Variants in MGAT4C observed in about 807,000 individuals in gnomAD.
MGAT4C encodes MGAT4 family member C.
A neutral mutation model predicts 40.1 loss-of-function variants in MGAT4C; 19 were observed. The ratio of observed to expected loss-of-function variants is 0.47; its 90% CI spans 0.33 to 0.70. MGAT4C has a LOEUF of 0.70. Among genes scored for constraint, MGAT4C ranks in the 30% least tolerant of loss-of-function variants. The pLI is 0.02. For synonymous variants in MGAT4C, 181 were observed against 187.1 expected, an observed-to-expected ratio of 0.97 and a Z score of 0.27; for missense variants, 491 against 563.2, an observed-to-expected ratio of 0.87 and a Z score of 1.30.
Position 86,348,049 on chromosome 12 carries a change from T to A in MGAT4C, c.-119-13922A>T, listed in dbSNP as rs113609601. Among the ~76,000 whole-genome samples, 258 of 152,302 alleles carry A rather than the reference T, an allele frequency of 1.7e-3. 4 individuals carry two copies. Among genetic ancestry groups the A allele is most frequent in the African/African-American group, 5.9e-3 (245 of 41,578 alleles). ...ATTGTGTAACTGTTGTTTAGAATGA[T>A]GTGTGTAAATTATACTTCTTCAAAT... On this transcript the variant is annotated intron_variant, in intron 3 of 7. Transcript: ENST00000548651.
intron 2 of MGAT4C, among the ~76,000 whole-genome samples, chr12:86,439,949 C>A (rs777068603): frequency 6.6e-6 from 1 of 151,006 alleles, no homozygotes; most frequent in South Asian, 2.1e-4. Flanking sequence ...CCTGAACAGA[C>A]CAATAACAAG....
At chr12:86,675,983 AAC>A (rs1491574380) in intron 2 of MGAT4C, among the ~76,000 whole-genome samples, 45 of 151,550 alleles carry the variant, frequency 3.0e-4, no homozygotes, top group Middle Eastern at 3.4e-3. Flanking sequence ...AAAAAAAAAA[AAC>A]ATTCATTTCA....
chr12:86,227,259 A>G (rs1370604166), intron 1 of MGAT4C, among the ~76,000 whole-genome samples: 3 of 151,854 alleles, frequency 2.0e-5, no homozygotes, highest in Admixed American at 1.3e-4. Flanking sequence ...AAAACTTCCA[A>G]ATAATGCAGT....
upstream of MGAT4C, among the ~76,000 whole-genome samples, chr12:86,260,289 C>T (rs1430519945): frequency 6.6e-6 from 1 of 152,072 alleles, no homozygotes; most frequent in South Asian, 2.1e-4. Context: ...CAACCCCTTG[C>T]TCCCACTGAA....
At chr12:86,295,813 A>G (rs1281128239) in intron 4 of MGAT4C, among the ~76,000 whole-genome samples, 1 of 152,152 alleles carries the variant, frequency 6.6e-6, no homozygotes, top group African/African-American at 2.4e-5. Flanking sequence ...AGCTAGATAC[A>G]GAGTGTGGAT....
chr12:86,596,491 T>C (rs756254711), intron 2 of MGAT4C, among the ~76,000 whole-genome samples: 2 of 152,212 alleles, frequency 1.3e-5, no homozygotes, highest in South Asian at 2.1e-4. Flanking sequence ...GGCTCACAGA[T>C]GCCTAAGAGC....
intron 2 of MGAT4C, among the ~76,000 whole-genome samples, chr12:86,437,394 A>G (rs1352692919): frequency 6.6e-6 from 1 of 151,836 alleles, no homozygotes; most frequent in South Asian, 2.1e-4. Context: ...TGTAGGAGTA[A>G]ATCAATTTTT....
intron 2 of MGAT4C, among the ~76,000 whole-genome samples, chr12:86,449,421 G>A (rs1288006481): frequency 2.6e-5 from 4 of 152,062 alleles, no homozygotes; most frequent in Admixed American, 6.6e-5. Flanking sequence ...TTTTTAGAGA[G>A]GTAAAACACA....
intron 1 of MGAT4C, among the ~76,000 whole-genome samples, chr12:86,179,685 AT>A (rs1478667560): frequency 6.6e-6 from 1 of 152,070 alleles, no homozygotes; most frequent in Non-Finnish European, 1.5e-5. Flanking sequence ...TGCCCTAGAG[AT>A]TTGTGGAACT....
At chr12:86,154,201 C>T (rs559835239) in intron 1 of MGAT4C, among the ~76,000 whole-genome samples, 82 of 152,132 alleles carry the variant, frequency 5.4e-4, no homozygotes, top group Admixed American at 1.2e-3. Context: ...ACCCAGTTCT[C>T]CCCCCACCAT....
chr12:86,556,417 C>T (rs977604773), intron 2 of MGAT4C, among the ~76,000 whole-genome samples: 1 of 152,016 alleles, frequency 6.6e-6, no homozygotes, highest in African/African-American at 2.4e-5. Context: ...GTGATTTTAC[C>T]TGTTACCTGA....
chr12:86,431,870 C>T (rs1341959658), intron 3 of MGAT4C, among the ~76,000 whole-genome samples: 2 of 152,110 alleles, frequency 1.3e-5, no homozygotes, highest in African/African-American at 4.8e-5. Context: ...ACTATTGATA[C>T]ACGCTATAGG....
At chr12:86,810,636 A>AT (rs1952454011) in intron 1 of MGAT4C, among the ~76,000 whole-genome samples, 1 of 151,666 alleles carries the variant, frequency 6.6e-6, no homozygotes, top group African/African-American at 2.4e-5. Context: ...AACATTATTG[A>AT]TTTTTGAGTG....
chr12:86,208,785 C>T (rs1273825213), intron 1 of MGAT4C, among the ~76,000 whole-genome samples: 1 of 151,970 alleles, frequency 6.6e-6, no homozygotes, highest in Non-Finnish European at 1.5e-5. Context: ...TCAACATAAT[C>T]CCCAAATTCC....
chr12:86,024,812 A>T (rs1375494355), intron 2 of MGAT4C, among the ~76,000 whole-genome samples: 1 of 151,862 alleles, frequency 6.6e-6, no homozygotes, highest in East Asian at 1.9e-4. Flanking sequence ...GGACATTTAT[A>T]GTAATGGTAT....
At chr12:86,193,215 CCT>C (rs1383992404) in intron 1 of MGAT4C, among the ~76,000 whole-genome samples, 2 of 150,128 alleles carry the variant, frequency 1.3e-5, no homozygotes, top group Non-Finnish European at 3.0e-5. Context: ...AGAATGAAAT[CCT>C]TTTTTATTTT....
intron 2 of MGAT4C, among the ~76,000 whole-genome samples, chr12:86,671,405 G>A (rs1474197245): frequency 1.3e-5 from 2 of 152,152 alleles, no homozygotes; most frequent in African/African-American, 4.8e-5. Flanking sequence ...ACCCCATGAA[G>A]TTTATAATGA....
intron 2 of MGAT4C, among the ~76,000 whole-genome samples, chr12:85,994,569 T>C (rs913812612): frequency 6.6e-6 from 1 of 151,580 alleles, no homozygotes; most frequent in African/African-American, 2.4e-5. Flanking sequence ...ACCTCAAACA[T>C]AGAATTATTT....
At chr12:86,800,277 G>A (rs1952201649) in intron 1 of MGAT4C, among the ~76,000 whole-genome samples, 1 of 151,958 alleles carries the variant, frequency 6.6e-6, no homozygotes, top group East Asian at 1.9e-4. Flanking sequence ...CATGAAACCA[G>A]GTTCCACTGA....
Sources: allele counts gnomAD v4.1 joint callset (sites outside exome capture counted in the v4.1 genomes callset), GRCh38; gene constraint gnomAD v4.1.1; transcripts MANE v1.5; gene names NCBI Gene and HGNC (gene_info 2026-07-23, HGNC 2026-07-21).